IFNLR1: variants seen among roughly 807,000 people sequenced by gnomAD.
The protein encoded by IFNLR1 is CRF2-12.
IFNLR1 carries 28 observed loss-of-function variants against 52.5 expected under a neutral mutation model. The observed-to-expected ratio is 0.53, with a 90% confidence interval of 0.40 to 0.73. The LOEUF is 0.73. Ranked by LOEUF, IFNLR1 falls within the 30% of genes least tolerant of loss-of-function variation. The pLI, the probability that IFNLR1 is intolerant of heterozygous loss-of-function variation, is 0.00. For synonymous variants in IFNLR1, 276 were observed against 274.9 expected (o/e 1.00, Z -0.04); for missense variants, 623 against 659.1 (o/e 0.95, Z 0.60).
chr1:24,172,941 C>A (rs1478755669), intron 2 of IFNLR1, among the ~76,000 whole-genome samples: 1 of 152,056 alleles, frequency 6.6e-6, no homozygotes, highest in Non-Finnish European at 1.5e-5. Flanking sequence ...TATAAAGACA[C>A]CAGTCCTATT....
chr1:24,167,840 G>A (rs543810847), intron 3 of IFNLR1, among the ~76,000 whole-genome samples: 5 of 152,114 alleles, frequency 3.3e-5, no homozygotes, highest in East Asian at 1.9e-4. Context: ...GACTACAGGC[G>A]CACATCATCA....
intron 4 of IFNLR1, among the ~76,000 whole-genome samples, chr1:24,161,197 A>G (rs1644439512): frequency 6.6e-6 from 1 of 152,230 alleles, no homozygotes; most frequent in Non-Finnish European, 1.5e-5. Context: ...CCCTTGCCAT[A>G]AATAAATGCA....
intron 2 of IFNLR1, among the ~76,000 whole-genome samples, chr1:24,179,865 A>G (rs1440231669): frequency 6.6e-6 from 1 of 152,030 alleles, no homozygotes; most frequent in Non-Finnish European, 1.5e-5. Flanking sequence ...TGCTTCTATC[A>G]TCTCACTGTC....
intron 2 of IFNLR1, among the ~76,000 whole-genome samples, chr1:24,177,113 C>T (rs992316203): frequency 6.6e-6 from 1 of 152,050 alleles, no homozygotes; most frequent in African/African-American, 2.4e-5. Flanking sequence ...ATGAGCAATA[C>T]CAACACACAG....
chr1:24,168,735 G>T (rs1644545297), intron 3 of IFNLR1, among the ~76,000 whole-genome samples: 2 of 149,796 alleles, frequency 1.3e-5, no homozygotes, highest in Admixed American at 1.3e-4. Flanking sequence ...AACAGAATTT[G>T]TTTTTTTTTC....
intron 2 of IFNLR1, among the ~76,000 whole-genome samples, chr1:24,174,606 T>C (rs1201160787): frequency 6.6e-6 from 1 of 152,194 alleles, no homozygotes; most frequent in East Asian, 1.9e-4. Context: ...TCTTCTAGTG[T>C]TTTGCAGAAA....
At chr1:24,167,038 A>C (rs1644527505) in intron 3 of IFNLR1, among the ~76,000 whole-genome samples, 1 of 152,250 alleles carries the variant, frequency 6.6e-6, no homozygotes, top group African/African-American at 2.4e-5. Context: ...GTGGGCAGGC[A>C]TCATCCAATC....
chr1:24,186,729 G>C (rs1473006024), intron 1 of IFNLR1, among the ~76,000 whole-genome samples: 1 of 152,078 alleles, frequency 6.6e-6, no homozygotes, highest in Non-Finnish European at 1.5e-5. Flanking sequence ...AAAGAAAGCC[G>C]TCTTGTTAGA....
At chr1:24,180,691 C>CCCCCGGG in intron 2 of IFNLR1, 40 bp downstream of exon 2, 1 of 1,437,894 alleles carries the variant, frequency 7.0e-7, no homozygotes, top group Non-Finnish European at 9.5e-7. Flanking sequence ...CACCCACCCC[C>CCCCCGGG]TCAGTCTTCC....
intron 2 of IFNLR1, among the ~76,000 whole-genome samples, chr1:24,177,488 G>T (rs1014287780): frequency 6.6e-6 from 1 of 152,194 alleles, no homozygotes; most frequent in Middle Eastern, 3.2e-3. Context: ...GAAGCATCCC[G>T]CACGGGAGAA....
chr1:24,172,891 G>A lies in IFNLR1; in HGVS notation c.183-3290C>T, dbSNP rs12131116. Reference sequence around the variant, plus strand: ...CATCTTGCTGTGTCCTCACAAGGCCGTTCTTCTGTGTGCATGCGCTCTTGG... The same window carrying A: ...CATCTTGCTGTGTCCTCACAAGGCCATTCTTCTGTGTGCATGCGCTCTTGG... On this transcript the variant is annotated intron_variant, in intron 2 of 6. Transcript: ENST00000327535. 4.3e-3 allele frequency among the ~76,000 whole-genome samples: 657 copies of A among 152,198 alleles called. 1 individual carries two copies. The highest frequency in any genetic ancestry group is 7.6e-3 in the Admixed American group (116 of 15,288).
At chr1:24,169,226 C>G (rs892797101) in intron 3 of IFNLR1, among the ~76,000 whole-genome samples, 191 bp downstream of exon 3, 3 of 152,334 alleles carry the variant, frequency 2.0e-5, no homozygotes, top group Non-Finnish European at 4.4e-5. Context: ...AACTCCCTGA[C>G]AGGCTGCCAG....
At chr1:24,184,472 C>T (rs113735735) in intron 1 of IFNLR1, among the ~76,000 whole-genome samples, 23 of 152,192 alleles carry the variant, frequency 1.5e-4, no homozygotes, top group African/African-American at 4.8e-4. Flanking sequence ...CCTGACGTGG[C>T]CTGGCCTGGC....
intron 3 of IFNLR1, among the ~76,000 whole-genome samples, chr1:24,167,962 G>A (rs924048569): frequency 6.6e-6 from 1 of 152,088 alleles, no homozygotes; most frequent in African/African-American, 2.4e-5. Context: ...CTCCTAAAGT[G>A]CTGGGATTAC....
chr1:24,166,219 T>C (rs959609111), intron 3 of IFNLR1, among the ~76,000 whole-genome samples: 8 of 148,278 alleles, frequency 5.4e-5, no homozygotes, highest in African/African-American at 2.0e-4. Context: ...CCTTCCTTCC[T>C]TCCCAACCAC....
intron 3 of IFNLR1, among the ~76,000 whole-genome samples, chr1:24,162,772 CTTTCT>C: frequency 2.2e-5 from 1 of 45,218 alleles, no homozygotes; most frequent in South Asian, 8.7e-4. Flanking sequence ...TTCTTTCTTT[CTTTCT>C]TTTTCTTTCT....
In IFNLR1 at chr1:24,179,201, C is replaced by T. The variant is rs188119676; in HGVS notation, c.182+1530G>A. Among the ~76,000 whole-genome samples, 38 of 152,092 alleles carry T rather than the reference C, an allele frequency of 2.5e-4. No homozygotes were observed. In the East Asian group the frequency reaches 7.1e-3, roughly 29 times the overall value. Reference sequence around the variant, plus strand: ...TGGACTCAAGCAATCTCCCCACCCACCTCGGCCTCCCAAAGTGCTGGGATT... The same window carrying T: ...TGGACTCAAGCAATCTCCCCACCCATCTCGGCCTCCCAAAGTGCTGGGATT... On this transcript the variant is annotated intron_variant, in intron 2 of 6. Coordinates refer to ENST00000327535, the MANE Select transcript of IFNLR1 (RefSeq NM_170743.4).
chr1:24,162,876 T>TTCCTTCCTTCCTTCCTTCCTTCCTTCC, intron 3 of IFNLR1, among the ~76,000 whole-genome samples: 1 of 22,588 alleles, frequency 4.4e-5, no homozygotes, highest in Non-Finnish European at 8.0e-5. Flanking sequence ...TCTTTCTTTC[T>TTCCTTCCTTCCTTCCTTCCTTCCTTCC]TTCCTTCCTT....
At position 24,169,544 on chromosome 1, in the gene IFNLR1, C is replaced by T; in HGVS notation, c.240G>A (p.Leu80=). 6.2e-7 allele frequency: 1 copy of T among 1,614,232 alleles called. No homozygotes were observed. Among genetic ancestry groups the T allele is most frequent in the South Asian group, 1.1e-5 (1 of 91,086 alleles). ...EVEECAGTKE[L]LCSMMCLKKQ... Reference sequence around the variant, plus strand: ...TCTTCAGGCACATCATAGAACATAGCAGCTCCTTGGTTCCCGCACACTCTT... The same window carrying T: ...TCTTCAGGCACATCATAGAACATAGTAGCTCCTTGGTTCCCGCACACTCTT... Residue 80 remains leucine, a synonymous_variant, in exon 3 of 7, where the codon CTG becomes CTA. Transcript: ENST00000327535.
Sources: allele counts gnomAD v4.1 joint callset (sites outside exome capture counted in the v4.1 genomes callset), GRCh38; gene constraint gnomAD v4.1.1; transcripts MANE v1.5; gene names NCBI Gene and HGNC (gene_info 2026-07-23, HGNC 2026-07-21).